Variants in HEATR1 observed in about 807,000 individuals in gnomAD.
HEATR1 encodes the protein HEAT repeat-containing protein 1.
In HEATR1, 77 loss-of-function variants were observed where a neutral mutation model predicts 248.2. The observed-to-expected ratio is 0.31, with a 90% CI of 0.26 to 0.37. The LOEUF (loss-of-function observed/expected upper bound fraction) is 0.37. Ranked by LOEUF, HEATR1 falls within the 10% of genes least tolerant of loss-of-function variation. HEATR1 has a pLI of 1.00. For synonymous variants in HEATR1, 897 were observed against 923.1 expected (o/e 0.97, Z 0.51); for missense variants, 2,420 against 2,504.9 (o/e 0.97, Z 0.72).
chr1:236,593,376 T>C (rs989233277), intron 9 of HEATR1, among the ~76,000 whole-genome samples: 1 of 152,004 alleles, frequency 6.6e-6, no homozygotes, highest in Admixed American at 6.6e-5. Context: ...ATACTCTCCT[T>C]TAATTCACAA....
At chr1:236,558,901 G>T in intron 35 of HEATR1, 94 bp downstream of exon 35, 2 of 1,076,606 alleles carry the variant, frequency 1.9e-6, no homozygotes, top group Non-Finnish European at 2.7e-6. Flanking sequence ...ACTTCAATTT[G>T]AAATTGTACC....
At position 236,558,346 on chromosome 1, in the gene HEATR1, G is replaced by A. The variant is rs1398652907; in HGVS notation, c.5095C>T (p.Leu1699=). ...TCCTCCTTTCTCTCTGGAGCAATCA[G>A]TTTCACAGCAGTGTTCAGCACTGGG... ...FVPVLNTAVK[L]IAPERKEEKN... is the part of the protein sequence containing the mutation. The change falls in exon 36 of 45, where the codon CTG becomes TTG. Residue 1699 remains leucine, a synonymous_variant. Coordinates refer to ENST00000366582, the MANE Select transcript of HEATR1 (RefSeq NM_018072.6). 6.2e-7 allele frequency: 1 copy of A among 1,614,156 alleles called. No individual in the cohort carries two copies.
At chr1:236,584,916 T>C (rs1663843321) in intron 17 of HEATR1, 109 bp downstream of exon 17, 1 of 877,246 alleles carries the variant, frequency 1.1e-6, no homozygotes, top group Non-Finnish European at 1.7e-6. Flanking sequence ...ATCCAGCTAC[T>C]ATCCACAGAC....
intron 20 of HEATR1, 27 bp from the exon 21 acceptor site, chr1:236,576,976 A>T: frequency 1.3e-6 from 2 of 1,536,872 alleles, no homozygotes; most frequent in Non-Finnish European, 1.7e-6. Flanking sequence ...AAAAAATTTA[A>T]GAAACAATTT....
At chr1:236,556,046 A>AT in intron 38 of HEATR1, 54 bp downstream of exon 38, 1 of 1,608,400 alleles carries the variant, frequency 6.2e-7, no homozygotes. Context: ...AAGTTTACAC[A>AT]TTGCAGTACC....
In HEATR1 at chr1:236,572,860, A is replaced by G. The variant is rs367966869; in HGVS notation, c.3460-32T>C. The G allele has an allele frequency of 1.0e-3, 1,574 of 1,556,672 alleles. 16 individuals are homozygous for G. In the South Asian group the frequency reaches 0.016, roughly 16 times the overall value. On this transcript the variant is annotated intron_variant, in intron 24 of 44. Transcript: ENST00000366582. Reference sequence around the variant, plus strand: ...TATTGAAGGAAGAAGAGTTGATGATATAATCCATTGGGATAAAATTAGAGC... The same window carrying G: ...TATTGAAGGAAGAAGAGTTGATGATGTAATCCATTGGGATAAAATTAGAGC...
chr1:236,558,097 C>T (rs1407195087), intron 36 of HEATR1, 140 bp downstream of exon 36: 13 of 940,560 alleles, frequency 1.4e-5, no homozygotes, highest in East Asian at 2.6e-5. Context: ...AGCCACCACA[C>T]CCTGCAAGAT....
At chr1:236,564,937 G>A (rs79976233) in intron 31 of HEATR1, among the ~76,000 whole-genome samples, 1 of 152,138 alleles carries the variant, frequency 6.6e-6, no homozygotes, top group Admixed American at 6.5e-5. Flanking sequence ...ACCACATCAC[G>A]GAAGGAGTCT....
intron 9 of HEATR1, among the ~76,000 whole-genome samples, 158 bp from the exon 10 acceptor site, chr1:236,592,791 G>C (rs113095595): frequency 2.0e-5 from 3 of 152,206 alleles, no homozygotes; most frequent in African/African-American, 7.2e-5. Context: ...CTAGAGGCCT[G>C]GTGTAGTGGT....
Position 236,583,209 on chromosome 1 carries a change from A to C in HEATR1, c.2242-13T>G. ...CTGAGGGGATTTCCTGAAATGTTAA[A>C]GGAAACAAAAACTAGTACAAACTAA... is the stretch of plus-strand genomic sequence containing the variant. On this transcript the variant is annotated splice_polypyrimidine_tract_variant and intron_variant, in intron 17 of 44. Transcript: ENST00000366582. 1 of 1,577,288 alleles carries C rather than the reference A, an allele frequency of 6.3e-7. No individual in the cohort carries two copies. The highest frequency in any genetic ancestry group is 8.6e-7 in the Non-Finnish European group (1 of 1,163,412).
Position 236,585,702 on chromosome 1 carries a change from C to G in HEATR1, c.2049+118G>C, listed in dbSNP as rs1342219445. The G allele has an allele frequency of 1.3e-5, 11 of 824,342 alleles. No individual in the cohort carries two copies. The East Asian group carries it at 1.9e-4, about 14-fold the overall frequency. The allele number at this position is 824,342 out of a possible 1,614,324, so 51.1% of individuals were successfully genotyped here. ...CAACACTGCAACGTTTAAAGTAAAA[C>G]CAAGTACTCAAGAATAAAAGAAATT... On this transcript the variant is annotated intron_variant, in intron 16 of 44. Transcript: ENST00000366582.
intron 20 of HEATR1, among the ~76,000 whole-genome samples, chr1:236,579,688 C>T (rs1482526575): frequency 3.9e-5 from 6 of 152,134 alleles, no homozygotes; most frequent in Non-Finnish European, 8.8e-5. Flanking sequence ...AGTAAACTCA[C>T]CTAAAATAAA....
chr1:236,581,004 G>A (rs1057354204), intron 20 of HEATR1, among the ~76,000 whole-genome samples: 1 of 151,826 alleles, frequency 6.6e-6, no homozygotes, highest in African/African-American at 2.4e-5. Flanking sequence ...ATTTTTAGTA[G>A]AGACGGGGTT....
intron 37 of HEATR1, among the ~76,000 whole-genome samples, chr1:236,556,989 C>G (rs957028973): frequency 1.6e-4 from 25 of 152,024 alleles, no homozygotes; most frequent in African/African-American, 5.3e-4. Flanking sequence ...AAAAAGTGAC[C>G]CCCATATCAA....
intron 20 of HEATR1, among the ~76,000 whole-genome samples, chr1:236,580,560 A>G (rs1388226759): frequency 8.2e-6 from 1 of 121,282 alleles, no homozygotes; most frequent in African/African-American, 3.0e-5. Context: ...TCTGTTGCCC[A>G]GTTTGGAGTG....
At chr1:236,567,216 A>G (rs755023730) in intron 29 of HEATR1, among the ~76,000 whole-genome samples, 3 of 152,118 alleles carry the variant, frequency 2.0e-5, no homozygotes, top group Non-Finnish European at 4.4e-5. Flanking sequence ...CCTGGCCTCA[A>G]ATAATCCCAC....
chr1:236,555,786 G>A lies in HEATR1; in HGVS notation c.5649+19C>T. 2 of 1,614,096 alleles carry A rather than the reference G, an allele frequency of 1.2e-6. No homozygotes were observed. The highest frequency in any genetic ancestry group is 1.7e-6 in the Non-Finnish European group (2 of 1,179,934). On this transcript the variant is annotated intron_variant, in intron 39 of 44. Transcript: ENST00000366582. ...GTGGATAACAGCTTTAGGATTTGGA[G>A]GAGTGAACCTGAGCTTACCTCAGAG...
chr1:236,566,543 A>G, intron 30 of HEATR1, 103 bp downstream of exon 30: 1 of 848,402 alleles, frequency 1.2e-6, no homozygotes, highest in Non-Finnish European at 1.8e-6. Flanking sequence ...GGTTCTAAAT[A>G]ACACACATTA....
At position 236,582,732 on chromosome 1, in the gene HEATR1, G is replaced by T. The variant is rs1663786016; in HGVS notation, c.2562+4C>A. On this transcript the variant is annotated splice_donor_region_variant and intron_variant, in intron 19 of 44. Coordinates refer to ENST00000366582, the MANE Select transcript of HEATR1 (RefSeq NM_018072.6). ...AGTACGCCTGAAAAGGAGGAGGCTT[G>T]TACCTTTATGAAAAGTTTCATCAGA... 2 of 1,613,992 alleles carry T rather than the reference G, an allele frequency of 1.2e-6. No individual in the cohort carries two copies. The highest frequency in any genetic ancestry group is 1.7e-5 in the Admixed American group (1 of 60,000).
Sources: allele counts gnomAD v4.1 joint callset (sites outside exome capture counted in the v4.1 genomes callset), GRCh38; gene constraint gnomAD v4.1.1; transcripts MANE v1.5; gene names NCBI Gene and HGNC (gene_info 2026-07-23, HGNC 2026-07-21).